The following TSHZ3 variants were observed in gnomAD, a reference collection of about 807,000 sequenced individuals.
The protein encoded by TSHZ3 is teashirt homolog 3.
In TSHZ3, 10 loss-of-function variants were observed where a neutral mutation model predicts 64.5. That is an observed-to-expected ratio of 0.16 (90% confidence interval 0.10 to 0.26). The LOEUF (loss-of-function observed/expected upper bound fraction) is 0.26, where lower values mean the gene tolerates loss of function less well. Ranked by LOEUF, TSHZ3 falls within the 10% of genes least tolerant of loss-of-function variation. The probability of loss-of-function intolerance (pLI) is 1.00; values close to 1 mark genes in which losing one functional copy is unlikely to be tolerated. For missense variants in TSHZ3, 1,242 were observed against 1,421.7 expected (o/e 0.87, Z 2.03); for synonymous variants, 608 against 593.1 (o/e 1.03, Z -0.36).
intron 3 of TSHZ3, among the ~76,000 whole-genome samples, chr19:31,233,467 C>T (rs768601849): frequency 3.9e-5 from 6 of 152,096 alleles, no homozygotes; most frequent in Non-Finnish European, 8.8e-5. Context: ...TGTAAGAGAA[C>T]TTTGTAGACT....
Position 31,278,347 on chromosome 19 carries a change from G to C in TSHZ3, c.1446C>G (p.Asp482Glu), listed in dbSNP as rs745403920. 3.7e-6 allele frequency: 6 copies of C among 1,614,000 alleles called. No individual in the cohort carries two copies. In the African/African-American group the frequency reaches 6.7e-5, roughly 18 times the overall value. The change falls in exon 2 of 2, where the codon GAC (aspartate) becomes GAG (glutamate). Residue 482 changes from aspartate to glutamate, a missense_variant. Coordinates refer to ENST00000240587, the MANE Select transcript of TSHZ3 (RefSeq NM_020856.4). The surrounding 1 kb of genome is among the most constrained non-coding windows in gnomAD (Gnocchi z 4.7). ...GCTTGTCTTTTTGCTTAGGTTTCTCGTCAGTGACCGCTTTCTCCTTGTCGA... is the reference window on the plus strand; with the variant it reads ...GCTTGTCTTTTTGCTTAGGTTTCTCCTCAGTGACCGCTTTCTCCTTGTCGA... ...KEVDKEKAVTDEKPKQKDKPG... is the reference protein window; with the variant it reads ...KEVDKEKAVTEEKPKQKDKPG...
chr19:31,311,835 T>C (rs1916467049), intron 1 of TSHZ3, among the ~76,000 whole-genome samples: 1 of 152,174 alleles, frequency 6.6e-6, no homozygotes, highest in South Asian at 2.1e-4. Flanking sequence ...GGGACTCTCC[T>C]GTCTCAGCCT....
chr19:31,162,619 G>A (rs1262567417), intron 5 of TSHZ3, among the ~76,000 whole-genome samples: 1 of 151,976 alleles, frequency 6.6e-6, no homozygotes, highest in African/African-American at 2.4e-5. Context: ...CCAAGATCAG[G>A]CAAAGCCTCA....
chr19:31,298,018 G>A (rs996363795), intron 1 of TSHZ3, among the ~76,000 whole-genome samples: 1 of 152,146 alleles, frequency 6.6e-6, no homozygotes, highest in Non-Finnish European at 1.5e-5. Flanking sequence ...ACCACCTCGG[G>A]CGCAGGGATA....
intron 4 of TSHZ3, among the ~76,000 whole-genome samples, chr19:31,213,390 A>AAAAAAAAC (rs1173876714): frequency 6.8e-6 from 1 of 146,782 alleles, no homozygotes; most frequent in Admixed American, 6.7e-5. Flanking sequence ...AAAAAAAAAA[A>AAAAAAAAC]ATCAGTGGTG....
At chr19:31,236,291 T>C (rs993086780) in intron 3 of TSHZ3, among the ~76,000 whole-genome samples, 3 of 152,208 alleles carry the variant, frequency 2.0e-5, no homozygotes, top group African/African-American at 7.2e-5. Flanking sequence ...CATATCCTCA[T>C]CAACATTTGT....
At chr19:31,222,514 A>T (rs1283248404) in intron 4 of TSHZ3, among the ~76,000 whole-genome samples, 1 of 152,218 alleles carries the variant, frequency 6.6e-6, no homozygotes, top group Non-Finnish European at 1.5e-5. Flanking sequence ...CCTGTTCCCC[A>T]GTACTAATCA....
At position 31,330,827 on chromosome 19, in the gene TSHZ3, G is replaced by A. The variant is rs371593883; in HGVS notation, c.40+18353C>T. On this transcript the variant is annotated intron_variant, in intron 1 of 1. Transcript: ENST00000240587. ...TTTTCCCAGCACTTCCTGTTGGCAG[G>A]GTCACAGCTCTACCGAGAGAAGGTG... is the stretch of plus-strand genomic sequence containing the variant. 9.3e-4 allele frequency among the ~76,000 whole-genome samples: 141 copies of A among 152,196 alleles called. 1 individual carries two copies. The highest frequency in any genetic ancestry group is 1.5e-3 in the Non-Finnish European group (104 of 68,014).
At chr19:31,340,959 C>T (rs1042409215) in intron 1 of TSHZ3, among the ~76,000 whole-genome samples, 26 of 152,238 alleles carry the variant, frequency 1.7e-4, no homozygotes, top group African/African-American at 6.3e-4. Context: ...TGTAACACAC[C>T]TTTTTCTTCC....
chr19:31,323,898 A>G (rs994656612), intron 1 of TSHZ3, among the ~76,000 whole-genome samples: 1 of 150,128 alleles, frequency 6.7e-6, no homozygotes, highest in Non-Finnish European at 1.5e-5. Context: ...ACACACACAC[A>G]CACACACACA....
At chr19:31,241,137 T>C (rs1975683028) in intron 3 of TSHZ3, among the ~76,000 whole-genome samples, 1 of 152,194 alleles carries the variant, frequency 6.6e-6, no homozygotes, top group African/African-American at 2.4e-5. Flanking sequence ...GATTCTGTTA[T>C]CTTTTCATAG....
At chr19:31,312,292 T>C (rs1197008934) in intron 1 of TSHZ3, among the ~76,000 whole-genome samples, 1 of 152,218 alleles carries the variant, frequency 6.6e-6, no homozygotes, top group Non-Finnish European at 1.5e-5. Context: ...AAGAAGGATC[T>C]AGAGCTATGC....
intron 4 of TSHZ3, among the ~76,000 whole-genome samples, chr19:31,225,514 C>T (rs1241491758): frequency 6.6e-6 from 1 of 152,156 alleles, no homozygotes; most frequent in Non-Finnish European, 1.5e-5. Context: ...TGGCATACAG[C>T]CTTGTCCTGC....
Position 31,309,850 on chromosome 19 carries a change from C to T in TSHZ3, c.41-30098G>A, listed in dbSNP as rs1316326340. On this transcript the variant is annotated intron_variant, in intron 1 of 1. Coordinates refer to ENST00000240587, the MANE Select transcript of TSHZ3 (RefSeq NM_020856.4). The stretch of plus-strand genomic sequence containing the variant: ...CCTCTCCATGTTCCCATCCTGCTCA[C>T]GGTCATTTCCATCATGGTACCCACG... 3.3e-5 allele frequency among the ~76,000 whole-genome samples: 5 copies of T among 152,232 alleles called. No homozygotes were observed. The South Asian group carries it at 6.2e-4, about 19-fold the overall frequency.
chr19:31,165,575 C>T (rs937256503), intron 5 of TSHZ3, among the ~76,000 whole-genome samples: 1 of 152,018 alleles, frequency 6.6e-6, no homozygotes, highest in African/African-American at 2.4e-5. Context: ...AGAGAAGACC[C>T]GAGTGCAGCT....
intron 6 of TSHZ3, among the ~76,000 whole-genome samples, chr19:31,152,126 A>T (rs1380334503): frequency 1.4e-5 from 2 of 145,486 alleles, no homozygotes; most frequent in East Asian, 2.3e-4. Context: ...AATTCTGCTT[A>T]AAAAAAAAAG....
Position 31,344,338 on chromosome 19 carries a change from C to A in TSHZ3, c.40+4842G>T, listed in dbSNP as rs372071167. Among the ~76,000 whole-genome samples the A allele has an allele frequency of 1.2e-4, 19 of 152,316 alleles. 1 individual carries two copies. The South Asian group carries it at 2.9e-3, about 23-fold the overall frequency. ...TGATTTGAAAGATCCAACTACCTAC[C>A]TGGGCTGGACACTAACACAGAAGGG... On this transcript the variant is annotated intron_variant, in intron 1 of 1. Transcript: ENST00000240587.
rs565783933 is a variant in TSHZ3, at chr19:31,279,620, C to G, written c.173G>C (p.Ser58Thr). 5 of 1,612,106 alleles carry G rather than the reference C, an allele frequency of 3.1e-6. No individual in the cohort carries two copies. The South Asian group carries it at 5.5e-5, about 18-fold the overall frequency. ...PEKELARACPSYQNSPAAEFS... is the reference protein window; with the variant it reads ...PEKELARACPTYQNSPAAEFS... ...CTCGGCGGCCGGGGAGTTCTGGTAGCTGGGGCAGGCCCTGGCGAGCTCCTT... is the reference window on the plus strand; with the variant it reads ...CTCGGCGGCCGGGGAGTTCTGGTAGGTGGGGCAGGCCCTGGCGAGCTCCTT... Residue 58 changes from serine (S) to threonine (T), a missense_variant, in exon 2 of 2, where the codon AGC (serine) becomes ACC (threonine). Physicochemically the swap from Ser to Thr is moderately conservative, Grantham distance 58 (BLOSUM62 1). Coordinates refer to ENST00000240587, the MANE Select transcript of TSHZ3 (RefSeq NM_020856.4). The surrounding 1 kb of genome is among the most constrained non-coding windows in gnomAD (Gnocchi z 6.4).
intron 5 of TSHZ3, among the ~76,000 whole-genome samples, chr19:31,193,368 A>G (rs527867539): frequency 2.0e-5 from 3 of 152,188 alleles, no homozygotes; most frequent in Non-Finnish European, 4.4e-5. Context: ...TTGGAGAAGG[A>G]AGCCCTCTGT....
Sources: allele counts gnomAD v4.1 joint callset (sites outside exome capture counted in the v4.1 genomes callset), GRCh38; gene constraint gnomAD v4.1.1; non-coding constraint Gnocchi (gnomAD v3.1); transcripts MANE v1.5; gene names NCBI Gene and HGNC (gene_info 2026-07-23, HGNC 2026-07-21).